SMOC1: variants seen among roughly 807,000 people sequenced by gnomAD.
SMOC1 encodes the protein SPARC related modular calcium binding 1.
A neutral mutation model predicts 56.3 loss-of-function variants in SMOC1; 22 were observed. That is an observed-to-expected ratio of 0.39 (90% CI 0.28 to 0.56). The LOEUF (loss-of-function observed/expected upper bound fraction) is 0.56, where lower values mean the gene tolerates loss of function less well. SMOC1 is among the 20% of genes least tolerant of loss of function. The probability of loss-of-function intolerance (pLI) is 0.61; values close to 1 mark genes in which losing one functional copy is unlikely to be tolerated. For synonymous variants in SMOC1, 193 were observed against 215.0 expected (o/e 0.90, Z 0.89); for missense variants, 509 against 565.4 (o/e 0.90, Z 1.01).
At chr14:69,992,628 T>TA (rs1285519892) in intron 6 of SMOC1, among the ~76,000 whole-genome samples, 155 bp downstream of exon 6, 4 of 152,214 alleles carry the variant, frequency 2.6e-5, no homozygotes, top group Non-Finnish European at 5.9e-5. Context: ...TTAACCTTTT[T>TA]AAAAAATGCA....
rs373029308 is a variant in SMOC1 at position 70,030,300 on chromosome 14, A to G, written c.*42A>G. 28 of 1,612,036 alleles carry G rather than the reference A, an allele frequency of 1.7e-5. No individual in the cohort carries two copies. The African/African-American group carries it at 3.6e-4, about 21-fold the overall frequency. ...GGGCAGGTGGAGAGTCCAGGGAGGC[A>G]GGATGGATCACCAGACACCTAACCT... is the stretch of plus-strand genomic sequence containing the variant. On this transcript the variant is annotated 3_prime_UTR_variant, in exon 12 of 12. Coordinates refer to ENST00000361956, the MANE Select transcript of SMOC1 (RefSeq NM_001034852.3).
chr14:69,980,890 G>C (rs983857123), intron 5 of SMOC1, among the ~76,000 whole-genome samples: 1 of 152,118 alleles, frequency 6.6e-6, no homozygotes, highest in Non-Finnish European at 1.5e-5. Context: ...GACGGGACCC[G>C]GGACCCAGCC....
At position 70,030,967 on chromosome 14, in the gene SMOC1, A is replaced by T. The variant is rs1403030846; in HGVS notation, c.*709A>T. 1 of 152,212 alleles carries T rather than the reference A, an allele frequency of 6.6e-6. No homozygotes were observed. The highest frequency in any genetic ancestry group is 1.5e-5 in the Non-Finnish European group (1 of 68,090). 9.4% of individuals were successfully genotyped at this position (152,212 alleles called of 1,614,324 possible). On this transcript the variant is annotated 3_prime_UTR_variant, in exon 12 of 12. Transcript: ENST00000361956. ...GAGGAAGGGAGTCCAGATCCCATGA[A>T]TAGCCCACACAGGTACCGGCTCTCA...
chr14:69,958,134 G>A (rs1204860610), intron 3 of SMOC1, among the ~76,000 whole-genome samples: 1 of 152,180 alleles, frequency 6.6e-6, no homozygotes, highest in African/African-American at 2.4e-5. Flanking sequence ...GGTGGCACAA[G>A]CCTGTAGTCC....
At chr14:69,901,674 T>C (rs955294997) in intron 1 of SMOC1, among the ~76,000 whole-genome samples, 5 of 152,248 alleles carry the variant, frequency 3.3e-5, no homozygotes, top group Admixed American at 1.3e-4. Flanking sequence ...TTTTGCCAGA[T>C]TGAAGAATTG....
At chr14:70,002,750 G>A (rs1885012825) in intron 7 of SMOC1, among the ~76,000 whole-genome samples, 1 of 152,192 alleles carries the variant, frequency 6.6e-6, no homozygotes, top group South Asian at 2.1e-4. Flanking sequence ...AAGTCCACAA[G>A]TAAGAAAAAT....
At chr14:70,013,298 GAGA>G (rs2139592761) in intron 9 of SMOC1, 85 bp from the exon 10 acceptor site, 4 of 1,192,652 alleles carry the variant, frequency 3.4e-6, no homozygotes, top group Non-Finnish European at 5.0e-6. Flanking sequence ...GAAGGGCTTT[GAGA>G]AGTTTAGGAA....
intron 11 of SMOC1, among the ~76,000 whole-genome samples, chr14:70,029,222 C>T (rs1475047611): frequency 3.9e-5 from 6 of 152,208 alleles, no homozygotes; most frequent in Non-Finnish European, 8.8e-5. Flanking sequence ...TGGCAGTTTC[C>T]ACAATGGCTC....
chr14:69,996,267 G>A (rs1326496941), intron 7 of SMOC1, among the ~76,000 whole-genome samples: 1 of 152,190 alleles, frequency 6.6e-6, no homozygotes, highest in African/African-American at 2.4e-5. Context: ...TTGTTATCAG[G>A]TCCTGTGGAA....
intron 1 of SMOC1, among the ~76,000 whole-genome samples, chr14:69,910,549 T>A (rs1350139400): frequency 6.6e-6 from 1 of 152,248 alleles, no homozygotes. Flanking sequence ...CTCTGTTTAT[T>A]TCATGCCAGA....
chr14:69,917,829 C>T (rs1884726836), intron 1 of SMOC1, among the ~76,000 whole-genome samples: 1 of 152,114 alleles, frequency 6.6e-6, no homozygotes, highest in Admixed American at 6.5e-5. Context: ...ATTCCAAAGA[C>T]AGTTTCTAGT....
intron 1 of SMOC1, among the ~76,000 whole-genome samples, chr14:69,908,552 C>T (rs912211941): frequency 4.6e-5 from 7 of 152,042 alleles, no homozygotes; most frequent in East Asian, 3.9e-4. Flanking sequence ...TGTGTTTAGA[C>T]GAAGAATAGG....
chr14:69,960,253 A>G (rs1321907551), intron 3 of SMOC1, among the ~76,000 whole-genome samples: 3 of 152,200 alleles, frequency 2.0e-5, no homozygotes, highest in African/African-American at 7.2e-5. Context: ...ATGTGGATAT[A>G]TCTTGCCTAG....
At position 70,013,314 on chromosome 14, in the gene SMOC1, G is replaced by A; in HGVS notation, c.941-72G>A. 8.9e-6 allele frequency: 12 copies of A among 1,344,446 alleles called. No homozygotes were observed. In the South Asian group the frequency reaches 1.3e-4, roughly 15 times the overall value. 83.3% of individuals were successfully genotyped at this position (1,344,446 alleles called of 1,614,324 possible). ...AAGGGCTTTGAGAAGTTTAGGAAAG[G>A]ATGGTAGTTGAGAAAGCTGTTGACT... On this transcript the variant is annotated intron_variant, in intron 9 of 11. Transcript: ENST00000361956.
intron 7 of SMOC1, among the ~76,000 whole-genome samples, chr14:69,997,954 C>A (rs891495321): frequency 1.3e-5 from 2 of 152,070 alleles, no homozygotes; most frequent in African/African-American, 4.8e-5. Context: ...AAAGGCTATC[C>A]CAGTTTCTTT....
chr14:69,897,003 G>A (rs1884115960), intron 1 of SMOC1, among the ~76,000 whole-genome samples: 1 of 152,198 alleles, frequency 6.6e-6, no homozygotes, highest in Non-Finnish European at 1.5e-5. Context: ...GGAGGTAAGT[G>A]GAAGGTCCTG....
At chr14:69,932,046 G>A (rs1417625468) in intron 1 of SMOC1, among the ~76,000 whole-genome samples, 1 of 152,226 alleles carries the variant, frequency 6.6e-6, no homozygotes, top group African/African-American at 2.4e-5. Context: ...CCAAAGAGTG[G>A]CTTTGCCATC....
Position 70,013,369 on chromosome 14 carries a change from C to G in SMOC1, c.941-17C>G. ...TATTATCTGGCATCTACCTTCAAAT[C>G]TCATTTTATCTTTTAGGCTGTCCAG... On this transcript the variant is annotated splice_polypyrimidine_tract_variant and intron_variant, in intron 9 of 11. Transcript: ENST00000361956. The G allele has an allele frequency of 6.2e-7, 1 of 1,608,344 alleles. No individual in the cohort carries two copies. Among genetic ancestry groups the G allele is most frequent in the Non-Finnish European group, 8.5e-7 (1 of 1,174,724 alleles).
chr14:69,926,983 T>C (rs1885029627), intron 1 of SMOC1, among the ~76,000 whole-genome samples: 1 of 152,254 alleles, frequency 6.6e-6, no homozygotes, highest in African/African-American at 2.4e-5. Context: ...AACTGAGTAC[T>C]CAACCCGTGC....
Sources: gnomAD v4.1 joint callset for allele counts (sites outside exome capture counted in the v4.1 genomes callset) on GRCh38, gnomAD v4.1.1 for gene constraint, MANE v1.5 for transcripts, NCBI Gene and HGNC (gene_info 2026-07-23, HGNC 2026-07-21) for gene names.